Variants in NELL1 observed in about 807,000 individuals in gnomAD.
NELL1 encodes protein kinase C-binding protein NELL1.
Under a neutral mutation model 107.4 loss-of-function variants are expected in NELL1, and 76 were observed. That is an observed-to-expected ratio of 0.71 (90% CI 0.59 to 0.86). NELL1 has a LOEUF of 0.86. Among genes scored for constraint, NELL1 ranks in the 40% least tolerant of loss-of-function variants. The pLI, the probability that NELL1 is intolerant of heterozygous loss-of-function variation, is 0.00. For missense variants in NELL1, 1,024 were observed against 1,005.5 expected, an observed-to-expected ratio of 1.02 and a Z score of -0.25; for synonymous variants, 353 against 341.2, an observed-to-expected ratio of 1.03 and a Z score of -0.38.
chr11:21,043,088 T>A (rs1485196519), intron 12 of NELL1, among the ~76,000 whole-genome samples: 2 of 152,172 alleles, frequency 1.3e-5, no homozygotes, highest in East Asian at 1.9e-4. Flanking sequence ...TATGAAAAAA[T>A]ATATTTTTAA....
At chr11:21,085,392 G>C (rs1243902842) in intron 12 of NELL1, among the ~76,000 whole-genome samples, 1 of 152,168 alleles carries the variant, frequency 6.6e-6, no homozygotes, top group Admixed American at 6.5e-5. Context: ...CCAGTACTTT[G>C]GGAGGCTAAG....
intron 12 of NELL1, among the ~76,000 whole-genome samples, chr11:21,061,457 C>A (rs1260202902): frequency 2.0e-5 from 3 of 152,112 alleles, no homozygotes; most frequent in African/African-American, 7.2e-5. Flanking sequence ...GAAAGCTGTT[C>A]CACTGTAAAG....
chr11:20,699,004 G>T (rs1254542025), intron 2 of NELL1, among the ~76,000 whole-genome samples: 1 of 152,042 alleles, frequency 6.6e-6, no homozygotes, highest in Non-Finnish European at 1.5e-5. Flanking sequence ...ATCACCTGAG[G>T]TCAGGAGTTT....
intron 3 of NELL1, among the ~76,000 whole-genome samples, chr11:20,805,913 T>A (rs1857372919): frequency 6.6e-6 from 1 of 152,222 alleles, no homozygotes; most frequent in African/African-American, 2.4e-5. Context: ...TTTATCTTGC[T>A]TTGTTTTATT....
intron 14 of NELL1, among the ~76,000 whole-genome samples, chr11:21,324,411 T>C (rs1360317187): frequency 1.3e-5 from 2 of 152,148 alleles, no homozygotes; most frequent in Non-Finnish European, 2.9e-5. Flanking sequence ...TCTATCTTGA[T>C]TCTCATAAAA....
intron 12 of NELL1, among the ~76,000 whole-genome samples, chr11:21,044,003 C>T (rs777224790): frequency 8.5e-5 from 13 of 152,082 alleles, no homozygotes; most frequent in Non-Finnish European, 1.5e-4. Flanking sequence ...ATATCTGCTA[C>T]TGGAGATATA....
chr11:20,961,403 A>AT (rs1421145811), intron 12 of NELL1, among the ~76,000 whole-genome samples: 4 of 151,982 alleles, frequency 2.6e-5, no homozygotes, highest in Admixed American at 6.6e-5. Flanking sequence ...TGGCTGGGCT[A>AT]TTTTTCTGTT....
intron 13 of NELL1, among the ~76,000 whole-genome samples, chr11:21,201,672 G>A (rs1313496379): frequency 6.6e-6 from 1 of 152,160 alleles, no homozygotes; most frequent in Non-Finnish European, 1.5e-5. Context: ...TGTCGAATAG[G>A]AGTGGTCAGA....
intron 13 of NELL1, among the ~76,000 whole-genome samples, chr11:21,181,083 C>A (rs939520797): frequency 6.6e-6 from 1 of 151,772 alleles, no homozygotes; most frequent in African/African-American, 2.4e-5. Context: ...TTGCTCTCTC[C>A]CTGCAAGGTA....
At chr11:20,908,366 T>C (rs1159731912) in intron 5 of NELL1, among the ~76,000 whole-genome samples, 1 of 152,168 alleles carries the variant, frequency 6.6e-6, no homozygotes, top group Non-Finnish European at 1.5e-5. Flanking sequence ...CAGGGAGTAC[T>C]ACACAGCCAT....
chr11:20,870,444 C>CTCTCTT (rs1554935241), intron 4 of NELL1, among the ~76,000 whole-genome samples: 1 of 151,022 alleles, frequency 6.6e-6, no homozygotes, highest in African/African-American at 2.4e-5. Context: ...TCTCTGGCAA[C>CTCTCTT]TAATTTATAT....
At chr11:21,546,704 CTCTTT>C (rs1856451989) in intron 16 of NELL1, among the ~76,000 whole-genome samples, 1 of 151,978 alleles carries the variant, frequency 6.6e-6, no homozygotes, top group Non-Finnish European at 1.5e-5. Context: ...TCAATTAAAC[CTCTTT>C]TCTTTGTAAA....
intron 2 of NELL1, among the ~76,000 whole-genome samples, chr11:20,691,600 A>G (rs1396822581): frequency 2.6e-5 from 4 of 152,096 alleles, no homozygotes; most frequent in Non-Finnish European, 5.9e-5. Flanking sequence ...TGATTTGCAT[A>G]TATTGAACCA....
chr11:21,552,428 T>C (rs1856614480), intron 16 of NELL1, among the ~76,000 whole-genome samples: 2 of 151,780 alleles, frequency 1.3e-5, no homozygotes, highest in Admixed American at 6.6e-5. Flanking sequence ...GTTAGTGACC[T>C]ACTTTGGTTT....
rs192012775 is a variant in NELL1, at chr11:21,192,943, G to T, written c.1427-36389G>T. ...GGACATCGTGGAGTCTTTAATGACT[G>T]GGGTTTTTGTAGAGCTTTTAATGAT... On this transcript the variant is annotated intron_variant, in intron 13 of 19. Transcript: ENST00000357134. Among the ~76,000 whole-genome samples, 3 of 151,954 alleles carry T rather than the reference G, an allele frequency of 2.0e-5. No individual in the cohort carries two copies. In the East Asian group the frequency reaches 5.8e-4, roughly 29 times the overall value.
intron 18 of NELL1, among the ~76,000 whole-genome samples, chr11:21,571,692 A>G (rs987468770): frequency 2.0e-4 from 31 of 152,008 alleles, no homozygotes; most frequent in African/African-American, 7.2e-4. Context: ...TAGATTTGAG[A>G]AAGTCCAGAG....
chr11:21,505,856 T>C (rs1162082630), intron 15 of NELL1, among the ~76,000 whole-genome samples: 1 of 152,206 alleles, frequency 6.6e-6, no homozygotes, highest in African/African-American at 2.4e-5. Context: ...CCCATGCTTT[T>C]TCTTCATATA....
intron 12 of NELL1, among the ~76,000 whole-genome samples, chr11:21,062,031 TC>T (rs1853754757): frequency 6.6e-6 from 1 of 152,174 alleles, no homozygotes; most frequent in Admixed American, 6.6e-5. Flanking sequence ...AACTGGTTGG[TC>T]TATTTTTCCC....
At chr11:21,251,268 G>T (rs973330532) in intron 14 of NELL1, among the ~76,000 whole-genome samples, 1 of 152,038 alleles carries the variant, frequency 6.6e-6, no homozygotes, top group African/African-American at 2.4e-5. Context: ...GACAGTGTCA[G>T]GGTCTGACTT....
Sources: gnomAD v4.1 joint callset for allele counts (sites outside exome capture counted in the v4.1 genomes callset) on GRCh38, gnomAD v4.1.1 for gene constraint, MANE v1.5 for transcripts, NCBI Gene and HGNC (gene_info 2026-07-23, HGNC 2026-07-21) for gene names.